The following TRPM3 variants were observed in gnomAD, a reference collection of about 807,000 sequenced individuals.
The protein encoded by TRPM3 is transient receptor potential cation channel subfamily M member 3, also known as long transient receptor potential channel 3.
In TRPM3, 77 loss-of-function variants were observed where a neutral mutation model predicts 181.2. The ratio of observed to expected loss-of-function variants is 0.42; its 90% CI spans 0.35 to 0.51. TRPM3 has a LOEUF of 0.51. Ranked by LOEUF, TRPM3 falls within the 20% of genes least tolerant of loss-of-function variation. TRPM3 has a pLI of 0.01. For synonymous variants in TRPM3, 745 were observed against 796.4 expected (o/e 0.94, Z 1.09); for missense variants, 1,759 against 2,196.7 (o/e 0.80, Z 3.98).
intron 1 of TRPM3, among the ~76,000 whole-genome samples, chr9:71,401,551 G>A (rs1294549726): frequency 6.6e-6 from 1 of 152,190 alleles, no homozygotes; most frequent in East Asian, 1.9e-4. Flanking sequence ...AATCTAAAGC[G>A]AAGTTGAAGA....
intron 8 of TRPM3, among the ~76,000 whole-genome samples, chr9:70,685,766 A>C (rs1459769085): frequency 1.3e-5 from 2 of 151,962 alleles, no homozygotes; most frequent in Non-Finnish European, 2.9e-5. Context: ...CATTTCTTCT[A>C]CTTTTGCTTC....
chr9:71,002,175 G>A (rs1264419170), intron 1 of TRPM3, among the ~76,000 whole-genome samples: 1 of 152,052 alleles, frequency 6.6e-6, no homozygotes, highest in African/African-American at 2.4e-5. Flanking sequence ...TATGTCCTTA[G>A]AATACTCTCT....
chr9:70,535,760 G>A lies in TRPM3; in HGVS notation c.*193C>T. 6.8e-7 allele frequency: 1 copy of A among 1,462,388 alleles called. No homozygotes were observed. The highest frequency in any genetic ancestry group is 1.5e-5 in the South Asian group (1 of 68,420). The allele number at this position is 1,462,388 out of a possible 1,614,324, so 90.6% of individuals were successfully genotyped here. ...ACATGCCTTAAATCCCCTGTGTCTG[G>A]CACTGGGTCAGATCAAATGCTTTCT... On this transcript the variant is annotated 3_prime_UTR_variant, in exon 26 of 26. Coordinates refer to ENST00000677713, the MANE Select transcript of TRPM3 (RefSeq NM_001366145.2).
chr9:70,653,415 C>A (rs1175848747), intron 9 of TRPM3, among the ~76,000 whole-genome samples: 1 of 151,814 alleles, frequency 6.6e-6, no homozygotes, highest in African/African-American at 2.4e-5. Flanking sequence ...ACATCACAAG[C>A]ATGTCACGGC....
chr9:71,148,359 C>T (rs2075548281), intron 1 of TRPM3, among the ~76,000 whole-genome samples: 1 of 152,180 alleles, frequency 6.6e-6, no homozygotes, highest in Non-Finnish European at 1.5e-5. Flanking sequence ...AAATAATTTA[C>T]ATTTTTCTTA....
intron 11 of TRPM3, 94 bp from the exon 12 acceptor site, chr9:70,635,355 G>A: frequency 1.9e-6 from 2 of 1,036,992 alleles, no homozygotes; most frequent in Non-Finnish European, 3.0e-6. Flanking sequence ...GCTGGCTGGT[G>A]GAGGGCAGTT....
intron 1 of TRPM3, among the ~76,000 whole-genome samples, chr9:71,398,753 T>C (rs117895319): frequency 0.074 from 11,232 of 152,204 alleles, 583 homozygotes; most frequent in Middle Eastern, 0.14. Context: ...TTTATGGCAG[T>C]GTAAGAACAG....
chr9:71,004,515 G>C (rs2097652277), intron 1 of TRPM3, among the ~76,000 whole-genome samples: 1 of 152,228 alleles, frequency 6.6e-6, no homozygotes, highest in East Asian at 1.9e-4. Context: ...AGCTGGAACA[G>C]GCAAATGGGG....
chr9:70,940,010 A>G (rs2096869945), intron 1 of TRPM3, among the ~76,000 whole-genome samples: 1 of 152,116 alleles, frequency 6.6e-6, no homozygotes, highest in Non-Finnish European at 1.5e-5. Flanking sequence ...AAAACAAACA[A>G]CTTTGGTTCT....
intron 1 of TRPM3, among the ~76,000 whole-genome samples, chr9:71,348,457 A>AT (rs11314389): frequency 0.46 from 68,354 of 147,518 alleles, 16,601 homozygotes; most frequent in East Asian, 0.58. Flanking sequence ...GACTTTTCCC[A>AT]TTTTTTTTTT....
intron 6 of TRPM3, among the ~76,000 whole-genome samples, chr9:70,798,860 C>T (rs1400076312): frequency 2.0e-5 from 3 of 152,308 alleles, no homozygotes; most frequent in East Asian, 3.9e-4. Flanking sequence ...ACTACGGGGC[C>T]TCAGCAGTGG....
intron 1 of TRPM3, among the ~76,000 whole-genome samples, chr9:71,044,576 A>G (rs570442308): frequency 6.6e-6 from 1 of 152,320 alleles, no homozygotes; most frequent in South Asian, 2.1e-4. Context: ...CAATTATTCA[A>G]TATCTGCCAC....
At chr9:71,354,157 A>T (rs1016872239) in intron 1 of TRPM3, among the ~76,000 whole-genome samples, 4 of 152,228 alleles carry the variant, frequency 2.6e-5, no homozygotes, top group African/African-American at 9.6e-5. Flanking sequence ...ATGCATGAAC[A>T]GTCTAACCAC....
chr9:71,264,343 C>T (rs112045124), intron 1 of TRPM3, among the ~76,000 whole-genome samples: 1,983 of 152,210 alleles, frequency 0.013, 31 homozygotes, highest in Admixed American at 0.029. Flanking sequence ...CCCATCTGTA[C>T]TATCTGATGT....
At chr9:71,166,268 CA>C (rs2076537404) in intron 1 of TRPM3, among the ~76,000 whole-genome samples, 1 of 152,068 alleles carries the variant, frequency 6.6e-6, no homozygotes, top group Non-Finnish European at 1.5e-5. Flanking sequence ...CCTCTTTCCC[CA>C]AATATAAAGC....
At chr9:70,545,548 CTTTTTTTT>C (rs5898150) in intron 25 of TRPM3, among the ~76,000 whole-genome samples, 2 of 113,352 alleles carry the variant, frequency 1.8e-5, no homozygotes, top group African/African-American at 6.5e-5. Context: ...AATTTTCTTT[CTTTTTTTT>C]TTTTTTTTGA....
In TRPM3 at chr9:71,354,515, G is replaced by A. The variant is rs183281338; in HGVS notation, c.183+92138C>T. On this transcript the variant is annotated intron_variant, in intron 1 of 24. Transcript: ENST00000357533. Reference sequence around the variant, plus strand: ...TTTATCCAATTACAACTTATCCTTTGACAGAATTTTAAAAGTTATTTTATT... The same window carrying A: ...TTTATCCAATTACAACTTATCCTTTAACAGAATTTTAAAAGTTATTTTATT... Among the ~76,000 whole-genome samples the A allele has an allele frequency of 2.6e-3, 389 of 152,230 alleles. 3 individuals carry two copies. Among genetic ancestry groups the A allele is most frequent in the Non-Finnish European group, 3.4e-3 (229 of 68,014 alleles).
At chr9:71,013,654 C>T (rs2134401968) in intron 1 of TRPM3, among the ~76,000 whole-genome samples, 1 of 151,988 alleles carries the variant, frequency 6.6e-6, no homozygotes, top group South Asian at 2.1e-4. Context: ...TTTGATAAAT[C>T]ATATTATCCT....
chr9:71,077,066 C>G (rs552955266), intron 1 of TRPM3, among the ~76,000 whole-genome samples: 1 of 152,166 alleles, frequency 6.6e-6, no homozygotes, highest in Admixed American at 6.5e-5. Context: ...CCTTTCAACT[C>G]CAGGCTGTAG....
Sources: allele counts gnomAD v4.1 joint callset (sites outside exome capture counted in the v4.1 genomes callset), GRCh38; gene constraint gnomAD v4.1.1; transcripts MANE v1.5; gene names NCBI Gene and HGNC (gene_info 2026-07-23, HGNC 2026-07-21).